CSMD1: variants seen among roughly 807,000 people sequenced by gnomAD.
CSMD1 encodes the protein CUB and sushi domain-containing protein 1.
CSMD1 carries 213 observed loss-of-function variants against 417.5 expected under a neutral mutation model. The observed-to-expected ratio is 0.51, with a 90% confidence interval of 0.46 to 0.57. The LOEUF (loss-of-function observed/expected upper bound fraction) is 0.57, where lower values mean the gene tolerates loss of function less well. Among genes scored for constraint, CSMD1 ranks in the 20% least tolerant of loss-of-function variants. The pLI is 0.00. For synonymous variants in CSMD1, 2,862 were observed against 1,736.8 expected, an observed-to-expected ratio of 1.65 and a Z score of -16.11; for missense variants, 6,923 against 4,529.7, an observed-to-expected ratio of 1.53 and a Z score of -15.17.
In CSMD1 at chr8:3,540,261, A is replaced by G. The variant is rs943118269; in HGVS notation, c.1344+34684T>C. Reference sequence around the variant, plus strand: ...GCACTTCCTGATTCAACTTACTTGCAAAACAACCTCCTCATTTGGCAAACA... The same window carrying G: ...GCACTTCCTGATTCAACTTACTTGCGAAACAACCTCCTCATTTGGCAAACA... On this transcript the variant is annotated intron_variant, in intron 10 of 69. Coordinates refer to ENST00000635120, the MANE Select transcript of CSMD1 (RefSeq NM_033225.6). 3.9e-5 allele frequency among the ~76,000 whole-genome samples: 6 copies of G among 152,218 alleles called. No individual in the cohort carries two copies. The East Asian group carries it at 1.2e-3, about 29-fold the overall frequency.
intron 1 of CSMD1, among the ~76,000 whole-genome samples, chr8:4,774,648 A>T (rs1013053417): frequency 6.6e-6 from 1 of 152,112 alleles, no homozygotes; most frequent in Non-Finnish European, 1.5e-5. Context: ...TTCATGTTCA[A>T]TTGTAACCTC....
At chr8:4,178,974 A>G (rs1046156894) in intron 3 of CSMD1, among the ~76,000 whole-genome samples, 8 of 152,340 alleles carry the variant, frequency 5.3e-5, no homozygotes, top group South Asian at 2.1e-4. Context: ...GGTAGGAAGA[A>G]TCAATATCGT....
chr8:4,270,139 C>G (rs538394230), intron 3 of CSMD1, among the ~76,000 whole-genome samples: 1 of 152,272 alleles, frequency 6.6e-6, no homozygotes, highest in South Asian at 2.1e-4. Context: ...GATAGGGAGG[C>G]TGGAATGTGG....
intron 1 of CSMD1, among the ~76,000 whole-genome samples, chr8:4,761,251 G>A (rs563042791): frequency 6.6e-6 from 1 of 152,088 alleles, no homozygotes; most frequent in African/African-American, 2.4e-5. Flanking sequence ...ATTCAAAGTG[G>A]GCTCTTCAGA....
At chr8:4,349,860 T>A (rs1182643908) in intron 3 of CSMD1, among the ~76,000 whole-genome samples, 1 of 151,728 alleles carries the variant, frequency 6.6e-6, no homozygotes, top group Non-Finnish European at 1.5e-5. Flanking sequence ...TTTTTAACTA[T>A]GTAATGTTAC....
chr8:3,720,283 A>G (rs192136619), intron 6 of CSMD1, among the ~76,000 whole-genome samples: 36 of 152,250 alleles, frequency 2.4e-4, no homozygotes, highest in African/African-American at 8.2e-4. Context: ...TAATCAATCA[A>G]TAGAGCTTAC....
intron 3 of CSMD1, among the ~76,000 whole-genome samples, chr8:4,039,197 T>G (rs1383550919): frequency 6.6e-6 from 1 of 152,162 alleles, no homozygotes; most frequent in Non-Finnish European, 1.5e-5. Flanking sequence ...GGAATCTAGG[T>G]CCCTTAGGGT....
At chr8:3,418,559 T>C (rs760330163) in intron 12 of CSMD1, among the ~76,000 whole-genome samples, 15 of 152,156 alleles carry the variant, frequency 9.9e-5, no homozygotes, top group Non-Finnish European at 1.5e-4. Context: ...TTTGGGTATA[T>C]AAAAGCATTG....
intron 10 of CSMD1, among the ~76,000 whole-genome samples, chr8:3,517,081 G>A (rs1253239090): frequency 3.3e-5 from 5 of 152,158 alleles, no homozygotes; most frequent in East Asian, 1.9e-4. Context: ...CCAGGGAAGG[G>A]GCATCTGGCG....
chr8:3,325,662 A>G (rs1222629828), intron 23 of CSMD1, among the ~76,000 whole-genome samples: 1 of 152,120 alleles, frequency 6.6e-6, no homozygotes, highest in Non-Finnish European at 1.5e-5. Context: ...CGTCTCTACT[A>G]AAAATACAGA....
At chr8:3,477,143 G>A (rs757272952) in intron 11 of CSMD1, among the ~76,000 whole-genome samples, 1 of 152,084 alleles carries the variant, frequency 6.6e-6, no homozygotes, top group Non-Finnish European at 1.5e-5. Flanking sequence ...CAGACCTGAA[G>A]AAAAATTCTG....
At chr8:4,061,973 C>G (rs1434717169) in intron 3 of CSMD1, among the ~76,000 whole-genome samples, 1 of 152,048 alleles carries the variant, frequency 6.6e-6, no homozygotes, top group Non-Finnish European at 1.5e-5. Context: ...TCAGGGGATG[C>G]CAAACCCCCT....
chr8:4,001,658 C>T (rs181177830), intron 4 of CSMD1, among the ~76,000 whole-genome samples: 13 of 152,246 alleles, frequency 8.5e-5, no homozygotes, highest in Admixed American at 2.6e-4. Context: ...TAGACACTTA[C>T]TATCTACATT....
At chr8:4,739,094 GAACA>G (rs1367705086) in intron 1 of CSMD1, among the ~76,000 whole-genome samples, 4 of 151,778 alleles carry the variant, frequency 2.6e-5, no homozygotes, top group South Asian at 2.1e-4. Context: ...ACATACATGT[GAACA>G]TACACACGTG....
intron 1 of CSMD1, among the ~76,000 whole-genome samples, chr8:4,926,553 G>A (rs1037675821): frequency 6.6e-6 from 1 of 152,194 alleles, no homozygotes; most frequent in African/African-American, 2.4e-5. Context: ...TTTAGGTACA[G>A]ATGTGATATA....
At chr8:4,679,583 C>T (rs1017183032) in intron 1 of CSMD1, among the ~76,000 whole-genome samples, 1 of 152,068 alleles carries the variant, frequency 6.6e-6, no homozygotes, top group Admixed American at 6.6e-5. Flanking sequence ...ATGAAAACTG[C>T]AATAAGTTCT....
chr8:3,318,030 G>C (rs925818468), intron 23 of CSMD1, among the ~76,000 whole-genome samples: 13 of 152,074 alleles, frequency 8.5e-5, no homozygotes, highest in African/African-American at 1.2e-4. Context: ...CAAAACCCTG[G>C]GTTCAAGTGA....
At chr8:4,421,139 A>T (rs1173248241) in intron 2 of CSMD1, among the ~76,000 whole-genome samples, 1 of 146,706 alleles carries the variant, frequency 6.8e-6, no homozygotes, top group Non-Finnish European at 1.5e-5. Context: ...TGATGAATGG[A>T]AAAAGAAACC....
intron 1 of CSMD1, among the ~76,000 whole-genome samples, chr8:4,921,801 C>A (rs944471189): frequency 2.0e-5 from 3 of 152,076 alleles, no homozygotes; most frequent in Non-Finnish European, 4.4e-5. Flanking sequence ...GTTGTTTTCA[C>A]AGATCATGGC....
Sources: allele counts gnomAD v4.1 joint callset (sites outside exome capture counted in the v4.1 genomes callset), GRCh38; gene constraint gnomAD v4.1.1; transcripts MANE v1.5; gene names NCBI Gene and HGNC (gene_info 2026-07-23, HGNC 2026-07-21).